MTARC1: variants seen among roughly 807,000 people sequenced by gnomAD.
MTARC1 encodes mitochondrial amidoxime-reducing component 1.
MTARC1 carries 24 observed loss-of-function variants against 33.6 expected under a neutral mutation model. The observed-to-expected ratio is 0.72, with a 90% confidence interval of 0.52 to 1.01. The LOEUF (loss-of-function observed/expected upper bound fraction) is 1.01. Ranked by LOEUF, MTARC1 falls within the 50% of genes least tolerant of loss-of-function variation. The probability of loss-of-function intolerance (pLI) is 0.00; values close to 1 mark genes in which losing one functional copy is unlikely to be tolerated. For missense variants in MTARC1, 417 were observed against 445.7 expected (o/e 0.94, Z 0.58); for synonymous variants, 187 against 189.5 (o/e 0.99, Z 0.11).
In MTARC1 at chr1:220,815,088, C is replaced by T. The variant is rs994181793; in HGVS notation, c.*1670C>T. 1 of 152,190 alleles carries T rather than the reference C, an allele frequency of 6.6e-6. No homozygotes were observed. The highest frequency in any genetic ancestry group is 1.9e-4 in the East Asian group (1 of 5,194). The allele number at this position is 152,190 out of a possible 1,614,324, so 9.4% of individuals were successfully genotyped here. A position where few individuals can be genotyped will look rare whatever the true frequency, so the allele number is the denominator to read the frequency against. ...GAGGTGAATAATTACATCAATTTTC[C>T]AGAGAACCTGGGCCATCACCTTCCC... On this transcript the variant is annotated 3_prime_UTR_variant, in exon 7 of 7. Transcript: ENST00000366910.
At chr1:220,793,161 A>G (rs1160510285) in intron 2 of MTARC1, 3 of 152,224 alleles carry the variant, frequency 2.0e-5, no homozygotes, top group Admixed American at 6.5e-5. Flanking sequence ...ATGGGCAAAA[A>G]TGATAATTTC....
At chr1:220,796,609 C>A in intron 2 of MTARC1, 34 bp from the exon 3 acceptor site, 1 of 1,532,038 alleles carries the variant, frequency 6.5e-7, no homozygotes, top group South Asian at 1.3e-5. Flanking sequence ...ATTTTCAAAG[C>A]CATGTCTGCC....
intron 6 of MTARC1, among the ~76,000 whole-genome samples, 179 bp from the exon 7 acceptor site, chr1:220,813,110 CGTT>C (rs888135441): frequency 1.3e-5 from 2 of 152,158 alleles, no homozygotes; most frequent in Non-Finnish European, 1.5e-5. Context: ...ATGCTTCTGT[CGTT>C]GTTTGCTGGG....
chr1:220,816,747 T>A lies in MTARC1; in HGVS notation c.*3329T>A, dbSNP rs151221495. The A allele has an allele frequency of 6.6e-6, 1 of 152,366 alleles. No homozygotes were observed. The highest frequency in any genetic ancestry group is 1.5e-5 in the Non-Finnish European group (1 of 68,090). The allele number at this position is 152,366 out of a possible 1,614,324, so 9.4% of individuals were successfully genotyped here. A position where few individuals can be genotyped will look rare whatever the true frequency, so the allele number is the denominator to read the frequency against. On this transcript the variant is annotated 3_prime_UTR_variant, in exon 7 of 7. Coordinates refer to ENST00000366910, the MANE Select transcript of MTARC1 (RefSeq NM_022746.4). ...TCCCGCCAAGTGAAGGAGACCTATC[T>A]TGGGACACTTCCCCTTGTCCTCTCC...
chr1:220,796,331 C>T (rs1672613945), intron 2 of MTARC1, among the ~76,000 whole-genome samples: 1 of 152,142 alleles, frequency 6.6e-6, no homozygotes, highest in African/African-American at 2.4e-5. Context: ...TAGTTTTCTT[C>T]TGGAGAACTC....
At chr1:220,808,806 C>T (rs1673044514) in intron 6 of MTARC1, 3 of 470,836 alleles carry the variant, frequency 6.4e-6, no homozygotes, top group African/African-American at 6.0e-5. Context: ...ACAGTGGAGG[C>T]ATGTCTGCTA....
At chr1:220,803,820 GC>G (rs1244095710) in intron 4 of MTARC1, among the ~76,000 whole-genome samples, 1 of 151,956 alleles carries the variant, frequency 6.6e-6, no homozygotes, top group Non-Finnish European at 1.5e-5. Flanking sequence ...TGACCATAGT[GC>G]CCCCTTGTGG....
rs932772896 is a variant in MTARC1, at chr1:220,818,624, G to A, written c.*5206G>A. 2.6e-5 allele frequency: 4 copies of A among 152,104 alleles called. No individual in the cohort carries two copies. The highest frequency in any genetic ancestry group is 9.7e-5 in the African/African-American group (4 of 41,402). 9.4% of individuals were successfully genotyped at this position (152,104 alleles called of 1,614,324 possible). A position where few individuals can be genotyped will look rare whatever the true frequency, so the allele number is the denominator to read the frequency against. ...TTTGTTATGCCCTCTACCAATCCCT[G>A]ACCTGGTATTGGTCAGTCTCCAATC... On this transcript the variant is annotated 3_prime_UTR_variant, in exon 7 of 7. Coordinates refer to ENST00000366910, the MANE Select transcript of MTARC1 (RefSeq NM_022746.4).
At position 220,787,212 on chromosome 1, in the gene MTARC1, C is replaced by A; in HGVS notation, c.268C>A (p.Arg90=). The A allele has an allele frequency of 1.3e-6, 2 of 1,570,262 alleles. No homozygotes were observed. Among genetic ancestry groups the A allele is most frequent in the Admixed American group, 1.8e-5 (1 of 54,592 alleles). The change falls in exon 1 of 7, where the codon CGG becomes AGG. Residue 90 remains arginine, a synonymous_variant. Coordinates refer to ENST00000366910, the MANE Select transcript of MTARC1 (RefSeq NM_022746.4). The part of the protein sequence containing the change: ...TAMGLRSGNL[R]DRFWLVINQE... ...CATGGGGCTGCGCAGCGGCAACCTG[C>A]GGGACAGGTACGGCCAAGCGCCGGC... is the stretch of plus-strand genomic sequence containing the variant.
intron 6 of MTARC1, among the ~76,000 whole-genome samples, chr1:220,809,374 T>C (rs1459497786): frequency 2.6e-5 from 4 of 152,184 alleles, no homozygotes; most frequent in African/African-American, 9.7e-5. Context: ...ACCACACTTC[T>C]TCCCATACTC....
In MTARC1 at chr1:220,792,339, C is replaced by G. The variant is rs58744613; in HGVS notation, c.449+675C>G. On this transcript the variant is annotated intron_variant, in intron 2 of 6. Coordinates refer to ENST00000366910, the MANE Select transcript of MTARC1 (RefSeq NM_022746.4). Reference sequence around the variant, plus strand: ...TAGTTTTGCCTCCAAGAAGTCATGTCTAGAGTTGATTTCTTATCTGATTAT... The same window carrying G: ...TAGTTTTGCCTCCAAGAAGTCATGTGTAGAGTTGATTTCTTATCTGATTAT... 9.2e-3 allele frequency among the ~76,000 whole-genome samples: 1,396 copies of G among 152,196 alleles called. 11 individuals carry two copies. The highest frequency in any genetic ancestry group is 0.06 in the East Asian group (309 of 5,182).
In MTARC1 at chr1:220,811,179, A is replaced by T. The variant is rs187001794; in HGVS notation, c.888-2113A>T. The stretch of plus-strand genomic sequence containing the variant: ...GACAGATAGATCTCAGAATGTCATG[A>T]ATGTTGCATGCTGAAAGAGGAGAGC... On this transcript the variant is annotated intron_variant, in intron 6 of 6. Transcript: ENST00000366910. Among the ~76,000 whole-genome samples the T allele has an allele frequency of 7.2e-5, 11 of 152,308 alleles. No individual in the cohort carries two copies. The East Asian group carries it at 2.1e-3, about 29-fold the overall frequency.
At chr1:220,808,913 G>A (rs913311336) in intron 6 of MTARC1, 50 of 470,894 alleles carry the variant, frequency 1.1e-4, no homozygotes, top group Middle Eastern at 3.2e-4. Context: ...GGAGTCTGCC[G>A]TTGTTGCTTC....
At position 220,816,660 on chromosome 1, in the gene MTARC1, A is replaced by T. The variant is rs1673287778; in HGVS notation, c.*3242A>T. ...CTGATCTCTAGGCAGAATGCCAGTG[A>T]GCCAAGGAATCCCAGTTAGCAGGAG... On this transcript the variant is annotated 3_prime_UTR_variant, in exon 7 of 7. Transcript: ENST00000366910. The T allele has an allele frequency of 6.6e-6, 1 of 152,266 alleles. No homozygotes were observed. Among genetic ancestry groups the T allele is most frequent in the African/African-American group, 2.4e-5 (1 of 41,470 alleles). 9.4% of individuals were successfully genotyped at this position (152,266 alleles called of 1,614,324 possible). A position where few individuals can be genotyped will look rare whatever the true frequency, so the allele number is the denominator to read the frequency against.
rs1673259011 is a variant in MTARC1 at position 220,815,354 on chromosome 1, AAT to A, written c.*1937_*1938del. ...GTGGCAAGTGAAAGCCTTAGTCCTG[AAT>A]TTCTAACCACTTGTAAGAACTAACA... On this transcript the variant is annotated 3_prime_UTR_variant, in exon 7 of 7. Transcript: ENST00000366910. 1 of 152,180 alleles carries A rather than the reference AAT, an allele frequency of 6.6e-6. No individual in the cohort carries two copies. Among genetic ancestry groups the A allele is most frequent in the Non-Finnish European group, 1.5e-5 (1 of 68,042 alleles). 9.4% of individuals were successfully genotyped at this position (152,180 alleles called of 1,614,324 possible).
At chr1:220,800,837 T>G (rs908181729) in intron 4 of MTARC1, among the ~76,000 whole-genome samples, 3 of 152,012 alleles carry the variant, frequency 2.0e-5, no homozygotes, top group African/African-American at 7.2e-5. Context: ...CACCCCTTGT[T>G]CTTCTCTTTC....
chr1:220,807,624 C>T (rs1329352912), intron 6 of MTARC1, among the ~76,000 whole-genome samples: 1 of 152,034 alleles, frequency 6.6e-6, no homozygotes, highest in Admixed American at 6.6e-5. Flanking sequence ...TATATATAGT[C>T]AAGTGTTAAG....
chr1:220,794,538 C>G, intron 2 of MTARC1, among the ~76,000 whole-genome samples: 1 of 146,068 alleles, frequency 6.8e-6, no homozygotes, highest in East Asian at 2.0e-4. Flanking sequence ...ACGATAGGAT[C>G]TTTTTTTTTT....
chr1:220,801,774 G>T (rs1433735427), intron 4 of MTARC1, among the ~76,000 whole-genome samples: 1 of 152,052 alleles, frequency 6.6e-6, no homozygotes, highest in East Asian at 1.9e-4. Flanking sequence ...GCGGGGCCAG[G>T]GTGCAGCTGG....
Sources: allele counts gnomAD v4.1 joint callset (sites outside exome capture counted in the v4.1 genomes callset), GRCh38; gene constraint gnomAD v4.1.1; transcripts MANE v1.5; gene names NCBI Gene and HGNC (gene_info 2026-07-23, HGNC 2026-07-21).